PLA2G4C: variants seen among roughly 807,000 people sequenced by gnomAD.
PLA2G4C encodes the protein phospholipase A2 group IVC.
PLA2G4C carries 64 observed loss-of-function variants against 73.8 expected under a neutral mutation model. The ratio of observed to expected loss-of-function variants is 0.87; its 90% CI spans 0.71 to 1.07. The LOEUF (loss-of-function observed/expected upper bound fraction) is 1.07. Ranked by LOEUF, PLA2G4C falls within the 50% of genes least tolerant of loss-of-function variation. The pLI is 0.00. For synonymous variants in PLA2G4C, 254 were observed against 252.1 expected, an observed-to-expected ratio of 1.01 and a Z score of -0.07; for missense variants, 622 against 665.4, an observed-to-expected ratio of 0.93 and a Z score of 0.72.
At chr19:48,109,673 G>A (rs973119565) in intron 1 of PLA2G4C, among the ~76,000 whole-genome samples, 1 of 150,862 alleles carries the variant, frequency 6.6e-6, no homozygotes, top group African/African-American at 2.4e-5. Context: ...TTTTTGAGAT[G>A]GAGTCTCGCT....
At chr19:48,107,754 C>T (rs374341101) in intron 1 of PLA2G4C, among the ~76,000 whole-genome samples, 2 of 152,358 alleles carry the variant, frequency 1.3e-5, no homozygotes, top group South Asian at 4.1e-4. Context: ...ACTCCTGTTT[C>T]ACTTTCCTGT....
At chr19:48,101,104 C>CTATATATATATATA (rs869065676) in intron 4 of PLA2G4C, among the ~76,000 whole-genome samples, 10 of 103,352 alleles carry the variant, frequency 9.7e-5, no homozygotes, top group African/African-American at 4.0e-4. Flanking sequence ...CACATAGAGT[C>CTATATATATATATA]TATATATATA....
At chr19:48,109,414 G>A (rs1331069571) in intron 1 of PLA2G4C, among the ~76,000 whole-genome samples, 1 of 152,044 alleles carries the variant, frequency 6.6e-6, no homozygotes, top group African/African-American at 2.4e-5. Context: ...TGGAAGTGCA[G>A]GTACATGCTA....
At chr19:48,102,334 T>C (rs1189556451) in intron 4 of PLA2G4C, among the ~76,000 whole-genome samples, 1 of 151,476 alleles carries the variant, frequency 6.6e-6, no homozygotes, top group Non-Finnish European at 1.5e-5. Flanking sequence ...CTACTAAAAA[T>C]ACAAAAATTA....
rs1361179338 is a variant in PLA2G4C, at chr19:48,072,387, T to C, written c.1006+2380A>G. On this transcript the variant is annotated intron_variant, in intron 12 of 16. Transcript: ENST00000599921. The surrounding 1 kb of genome is among the most constrained non-coding windows in gnomAD (Gnocchi z 4.4). Reference sequence around the variant, plus strand: ...CTCATTTCAGCACAGGAGCCAGGCATTATAGAAAGTCATAGTGAGGCTTCG... The same window carrying C: ...CTCATTTCAGCACAGGAGCCAGGCACTATAGAAAGTCATAGTGAGGCTTCG... 1.3e-5 allele frequency: 2 copies of C among 152,098 alleles called. No individual in the cohort carries two copies. Among genetic ancestry groups the C allele is most frequent in the African/African-American group, 4.8e-5 (2 of 41,414 alleles). The allele number at this position is 152,098 out of a possible 1,614,324, so 9.4% of individuals were successfully genotyped here.
chr19:48,055,075 T>C (rs2122438243), intron 14 of PLA2G4C, 26 bp from the exon 15 acceptor site: 1 of 1,570,584 alleles, frequency 6.4e-7, no homozygotes. Flanking sequence ...TAAGAAATGG[T>C]TGCAAGACCT....
chr19:48,108,047 C>T (rs1374276189), intron 1 of PLA2G4C, among the ~76,000 whole-genome samples: 2 of 152,164 alleles, frequency 1.3e-5, no homozygotes, highest in African/African-American at 2.4e-5. Flanking sequence ...GGGCCACTAT[C>T]GGTCTCTGCG....
chr19:48,077,903 G>T, intron 10 of PLA2G4C, 79 bp from the exon 11 acceptor site: 3 of 1,189,970 alleles, frequency 2.5e-6, no homozygotes, highest in Non-Finnish European at 3.6e-6. Flanking sequence ...CTGCAGCGAC[G>T]TCTCTTTAAT....
chr19:48,093,192 C>A (rs1453071264), intron 7 of PLA2G4C, among the ~76,000 whole-genome samples: 2 of 152,250 alleles, frequency 1.3e-5, no homozygotes, highest in African/African-American at 4.8e-5. Flanking sequence ...CCCCTTCATC[C>A]TACCTTGTTC....
intron 10 of PLA2G4C, among the ~76,000 whole-genome samples, chr19:48,081,543 AGG>A: frequency 6.6e-6 from 1 of 150,868 alleles, no homozygotes; most frequent in Non-Finnish European, 1.5e-5. Context: ...GGATCACCTG[AGG>A]TCAGGAGTTC....
chr19:48,101,126 A>ATATATATATATATAT (rs1491313107), intron 4 of PLA2G4C, among the ~76,000 whole-genome samples: 4 of 74,152 alleles, frequency 5.4e-5, no homozygotes, highest in African/African-American at 2.6e-4. Flanking sequence ...ATATATATAT[A>ATATATATATATATAT]TTTTTTTTTT....
In PLA2G4C at chr19:48,090,402, G is replaced by A; in HGVS notation, c.725C>T (p.Ala242Val). Residue 242 changes from alanine (A) to valine (V), a missense_variant, in exon 8 of 17, where the codon GCT becomes GTT. Physicochemically the swap from Ala to Val is moderately conservative, Grantham distance 64 (BLOSUM62 0). Coordinates refer to ENST00000599921, the MANE Select transcript of PLA2G4C (RefSeq NM_003706.3). ...LTFLRGLWGSALGNTEVIREY... is the reference protein window; with the variant it reads ...LTFLRGLWGSVLGNTEVIREY... ...CCTAATGACTTCAGTGTTACCAAGA[G>A]CACTTCCCCATAAACCTGCCAAGAA... is the stretch of plus-strand genomic sequence containing the variant. 1 of 1,612,274 alleles carries A rather than the reference G, an allele frequency of 6.2e-7. No homozygotes were observed. Among genetic ancestry groups the A allele is most frequent in the South Asian group, 1.1e-5 (1 of 91,030 alleles).
intron 12 of PLA2G4C, chr19:48,074,543 C>A (rs1431224109): frequency 1.8e-6 from 1 of 544,290 alleles, no homozygotes; most frequent in Non-Finnish European, 3.3e-6. Flanking sequence ...GGATCTAGAT[C>A]CTTGAGGAAT....
chr19:48,077,976 G>A (rs1266531965), intron 10 of PLA2G4C, 152 bp from the exon 11 acceptor site: 5 of 574,662 alleles, frequency 8.7e-6, no homozygotes, highest in African/African-American at 2.0e-5. Context: ...TTTTGTACCC[G>A]TCTTCCAACT....
chr19:48,087,654 G>A (rs1439293271), intron 9 of PLA2G4C, among the ~76,000 whole-genome samples: 1 of 152,168 alleles, frequency 6.6e-6, no homozygotes, highest in Non-Finnish European at 1.5e-5. Flanking sequence ...ACGGTGCACA[G>A]CCAGGCATGG....
chr19:48,087,461 T>C (rs11564564), intron 9 of PLA2G4C, among the ~76,000 whole-genome samples: 4,199 of 152,244 alleles, frequency 0.028, 152 homozygotes, highest in African/African-American at 0.084. Context: ...TAGGCTTGCA[T>C]AAGAGACAGA....
chr19:48,071,644 T>A (rs906365710), intron 12 of PLA2G4C, among the ~76,000 whole-genome samples: 2 of 151,176 alleles, frequency 1.3e-5, no homozygotes, highest in Admixed American at 6.6e-5. Flanking sequence ...GAGGTCTCAC[T>A]ACGTTGCCCA....
intron 13 of PLA2G4C, among the ~76,000 whole-genome samples, chr19:48,067,244 T>G (rs1968466129): frequency 6.6e-6 from 1 of 151,574 alleles, no homozygotes; most frequent in African/African-American, 2.4e-5. Context: ...CGCGGCTCAC[T>G]GCAACCTCTG....
At chr19:48,068,946 C>G (rs1968554434) in intron 12 of PLA2G4C, among the ~76,000 whole-genome samples, 2 of 150,280 alleles carry the variant, frequency 1.3e-5, no homozygotes, top group Non-Finnish European at 3.0e-5. Flanking sequence ...CACAGTGACT[C>G]ACATCTGTAA....
Sources: allele counts gnomAD v4.1 joint callset (sites outside exome capture counted in the v4.1 genomes callset), GRCh38; gene constraint gnomAD v4.1.1; non-coding constraint Gnocchi (gnomAD v3.1); transcripts MANE v1.5; gene names NCBI Gene and HGNC (gene_info 2026-07-23, HGNC 2026-07-21).